Variants in EXOC6B observed in about 807,000 individuals in gnomAD.
The protein encoded by EXOC6B is exocyst complex component 6B, also known as SEC15 homolog B.
Under a neutral mutation model 113.5 loss-of-function variants are expected in EXOC6B, and 54 were observed. The observed-to-expected ratio is 0.48, with a 90% CI of 0.38 to 0.60. The LOEUF (loss-of-function observed/expected upper bound fraction) is 0.60, where lower values mean the gene tolerates loss of function less well. EXOC6B is among the 20% of genes least tolerant of loss of function. The pLI is 0.00. For synonymous variants in EXOC6B, 357 were observed against 339.0 expected (o/e 1.05, Z -0.58); for missense variants, 797 against 977.5 (o/e 0.82, Z 2.46).
At chr2:72,401,174 T>C (rs943051632) in intron 18 of EXOC6B, among the ~76,000 whole-genome samples, 5 of 151,432 alleles carry the variant, frequency 3.3e-5, no homozygotes, top group African/African-American at 1.2e-4. Context: ...GAAAATGTTA[T>C]ATATGGCCAG....
At chr2:72,601,811 A>G (rs1670452108) in intron 6 of EXOC6B, among the ~76,000 whole-genome samples, 2 of 152,238 alleles carry the variant, frequency 1.3e-5, no homozygotes, top group South Asian at 2.1e-4. Context: ...AAACTGTGGT[A>G]TATTCATACA....
At chr2:72,206,925 A>C (rs1381935896) in intron 20 of EXOC6B, among the ~76,000 whole-genome samples, 1 of 152,232 alleles carries the variant, frequency 6.6e-6, no homozygotes, top group African/African-American at 2.4e-5. Flanking sequence ...AAACTTATTT[A>C]ATTCAGAAAA....
At chr2:72,332,545 G>A (rs1221852392) in intron 20 of EXOC6B, among the ~76,000 whole-genome samples, 1 of 152,102 alleles carries the variant, frequency 6.6e-6, no homozygotes, top group East Asian at 1.9e-4. Flanking sequence ...AAGGTTAAGT[G>A]AGACAGATTT....
intron 19 of EXOC6B, among the ~76,000 whole-genome samples, chr2:72,351,202 A>C (rs1689637159): frequency 6.6e-6 from 1 of 152,236 alleles, no homozygotes. Context: ...AATGACAGAA[A>C]GAAGAAAAAT....
At chr2:72,255,223 C>T (rs1021438260) in intron 20 of EXOC6B, among the ~76,000 whole-genome samples, 7 of 152,140 alleles carry the variant, frequency 4.6e-5, no homozygotes, top group Admixed American at 4.6e-4. Context: ...ACACAGGACA[C>T]CTACAAGGTT....
chr2:72,746,364 A>T (rs1681694337), intron 1 of EXOC6B, among the ~76,000 whole-genome samples: 1 of 152,132 alleles, frequency 6.6e-6, no homozygotes, highest in Non-Finnish European at 1.5e-5. Context: ...ATTTGACTCA[A>T]CTAAATAAAT....
intron 1 of EXOC6B, among the ~76,000 whole-genome samples, chr2:72,804,985 A>G (rs1050754524): frequency 5.9e-5 from 9 of 152,206 alleles, no homozygotes; most frequent in African/African-American, 2.2e-4. Flanking sequence ...AACCAAGGAG[A>G]ATCAAGAGAA....
intron 18 of EXOC6B, among the ~76,000 whole-genome samples, chr2:72,438,186 T>C (rs1695989159): frequency 6.6e-6 from 1 of 152,136 alleles, no homozygotes; most frequent in Non-Finnish European, 1.5e-5. Context: ...TAAATTAGAA[T>C]TGTATTACAC....
At chr2:72,522,258 T>G (rs1701530753) in intron 8 of EXOC6B, among the ~76,000 whole-genome samples, 1 of 152,160 alleles carries the variant, frequency 6.6e-6, no homozygotes, top group Admixed American at 6.5e-5. Context: ...ATATTTAATT[T>G]AAATATTTAA....
Position 72,235,317 on chromosome 2 carries a change from T to A in EXOC6B, c.2197-51130A>T, listed in dbSNP as rs533978576. ...CAGGAACAGCAAACCAAATACTGCA[T>A]GTTTTCACTTATTTAGCTCACTTAG... On this transcript the variant is annotated intron_variant, in intron 20 of 21. Transcript: ENST00000272427. Among the ~76,000 whole-genome samples, 11 of 152,300 alleles carry A rather than the reference T, an allele frequency of 7.2e-5. No individual in the cohort carries two copies. The East Asian group carries it at 2.1e-3, about 29-fold the overall frequency.
chr2:72,473,640 ATTTT>A (rs1374764128), intron 17 of EXOC6B, among the ~76,000 whole-genome samples: 6 of 152,034 alleles, frequency 3.9e-5, no homozygotes, highest in Non-Finnish European at 8.8e-5. Flanking sequence ...CAGTCTATAT[ATTTT>A]AAGTAAAGAA....
chr2:72,353,814 G>A lies in EXOC6B; in HGVS notation c.2123-18794C>T, dbSNP rs374892564. The stretch of plus-strand genomic sequence containing the variant: ...CATGTTTTACCAAGTCTGGAACCAG[G>A]GTCAAGTGATATGAAAATAGTAATA... On this transcript the variant is annotated intron_variant, in intron 19 of 21. Coordinates refer to ENST00000272427, the MANE Select transcript of EXOC6B (RefSeq NM_015189.3). Among the ~76,000 whole-genome samples, 20 of 152,078 alleles carry A rather than the reference G, an allele frequency of 1.3e-4. 1 individual carries two copies. The highest frequency in any genetic ancestry group is 4.6e-4 in the African/African-American group (19 of 41,474).
At chr2:72,470,776 G>A (rs1394531863) in intron 17 of EXOC6B, among the ~76,000 whole-genome samples, 4 of 148,012 alleles carry the variant, frequency 2.7e-5, no homozygotes, top group African/African-American at 1.1e-4. Flanking sequence ...CTTCATCCAT[G>A]TCCCTACAAA....
At chr2:72,706,249 A>G (rs774796301) in intron 6 of EXOC6B, among the ~76,000 whole-genome samples, 20 of 152,288 alleles carry the variant, frequency 1.3e-4, no homozygotes, top group Non-Finnish European at 2.6e-4. Flanking sequence ...TCACTTTCCA[A>G]TGAAATACTT....
chr2:72,451,573 C>T (rs923564216), intron 18 of EXOC6B, among the ~76,000 whole-genome samples: 8 of 151,756 alleles, frequency 5.3e-5, no homozygotes, highest in African/African-American at 1.7e-4. Context: ...ATGTCCTTAA[C>T]AGAAACACTT....
intron 20 of EXOC6B, among the ~76,000 whole-genome samples, chr2:72,294,748 A>G (rs1573199094): frequency 6.6e-6 from 1 of 152,256 alleles, no homozygotes; most frequent in Non-Finnish European, 1.5e-5. Flanking sequence ...TATATAAATA[A>G]TCTCAATTCA....
At chr2:72,368,814 G>A (rs1558598737) in intron 19 of EXOC6B, among the ~76,000 whole-genome samples, 2 of 152,062 alleles carry the variant, frequency 1.3e-5, no homozygotes, top group South Asian at 2.1e-4. Context: ...AAATTCAACA[G>A]CCCTTCATGC....
chr2:72,587,326 A>C (rs1328375498), intron 6 of EXOC6B, among the ~76,000 whole-genome samples: 1 of 152,210 alleles, frequency 6.6e-6, no homozygotes, highest in Non-Finnish European at 1.5e-5. Flanking sequence ...GGAAAATCAT[A>C]TACTGCATGT....
chr2:72,631,451 TATATATATATAGAGAGAGAGAGAG>T (rs1452333415), intron 6 of EXOC6B, among the ~76,000 whole-genome samples: 7 of 46,008 alleles, frequency 1.5e-4, no homozygotes, highest in African/African-American at 4.7e-4. Flanking sequence ...TATATATATA[TATATATATATAGAGAGAGAGAGAG>T]AGAGAGAGAG....
Sources: allele counts gnomAD v4.1 joint callset (sites outside exome capture counted in the v4.1 genomes callset), GRCh38; gene constraint gnomAD v4.1.1; transcripts MANE v1.5; gene names NCBI Gene and HGNC (gene_info 2026-07-23, HGNC 2026-07-21).